The following DPY19L2 variants were observed in gnomAD, a reference collection of about 807,000 sequenced individuals.
DPY19L2 encodes the protein probable C-mannosyltransferase DPY19L2.
A neutral mutation model predicts 97.9 loss-of-function variants in DPY19L2; 34 were observed. The ratio of observed to expected loss-of-function variants is 0.35; its 90% confidence interval spans 0.26 to 0.46. The LOEUF is 0.46. Ranked by LOEUF, DPY19L2 falls within the 20% of genes least tolerant of loss-of-function variation. The pLI is 1.00. For synonymous variants in DPY19L2, 230 were observed against 307.9 expected (o/e 0.75, Z 2.65); for missense variants, 623 against 911.4 (o/e 0.68, Z 4.07).
chr12:63,594,984 C>A (rs1252077934), intron 15 of DPY19L2, among the ~76,000 whole-genome samples: 6 of 152,164 alleles, frequency 3.9e-5, no homozygotes, highest in Non-Finnish European at 7.3e-5. Flanking sequence ...ACATTTTACT[C>A]ATTCCTCCTT....
intron 12 of DPY19L2, among the ~76,000 whole-genome samples, chr12:63,605,466 G>A (rs1362646666): frequency 6.6e-6 from 1 of 152,184 alleles, no homozygotes; most frequent in Non-Finnish European, 1.5e-5. Context: ...TAACTAGTCT[G>A]CCTTTCTATA....
chr12:63,583,465 A>T (rs1881284885), intron 17 of DPY19L2, among the ~76,000 whole-genome samples: 1 of 152,150 alleles, frequency 6.6e-6, no homozygotes, highest in Non-Finnish European at 1.5e-5. Context: ...CAGCAAATCT[A>T]CGTGGTGGCA....
intron 6 of DPY19L2, among the ~76,000 whole-genome samples, chr12:63,634,790 G>A (rs1489802874): frequency 5.3e-5 from 8 of 152,118 alleles, no homozygotes; most frequent in South Asian, 4.1e-4. Context: ...CAGGAAGCTC[G>A]AACAGGGTGG....
At chr12:63,648,955 G>T (rs1893807120) in intron 4 of DPY19L2, among the ~76,000 whole-genome samples, 2 of 151,646 alleles carry the variant, frequency 1.3e-5, no homozygotes, top group African/African-American at 4.8e-5. Flanking sequence ...AAAACAAATG[G>T]AAAATTTGAA....
intron 11 of DPY19L2, among the ~76,000 whole-genome samples, chr12:63,612,180 G>C (rs1887118616): frequency 6.6e-6 from 1 of 151,926 alleles, no homozygotes; most frequent in South Asian, 2.1e-4. Flanking sequence ...CTACACCCAG[G>C]AAACATACCT....
At chr12:63,634,020 A>G (rs888326521) in intron 6 of DPY19L2, among the ~76,000 whole-genome samples, 1 of 150,524 alleles carries the variant, frequency 6.6e-6, no homozygotes, top group East Asian at 2.0e-4. Flanking sequence ...CAATGAGAAC[A>G]CATGGACACA....
intron 11 of DPY19L2, among the ~76,000 whole-genome samples, chr12:63,611,667 A>C (rs1026409618): frequency 6.6e-6 from 1 of 152,122 alleles, no homozygotes; most frequent in Non-Finnish European, 1.5e-5. Flanking sequence ...TGTGATTAAC[A>C]ACAGGTTAGA....
intron 6 of DPY19L2, among the ~76,000 whole-genome samples, chr12:63,631,314 C>T (rs1242745347): frequency 6.6e-6 from 1 of 151,948 alleles, no homozygotes; most frequent in Non-Finnish European, 1.5e-5. Flanking sequence ...AACTGATACA[C>T]CGCTAGCAAG....
intron 21 of DPY19L2, among the ~76,000 whole-genome samples, chr12:63,565,450 C>T (rs1877483944): frequency 6.6e-6 from 1 of 152,130 alleles, no homozygotes; most frequent in Non-Finnish European, 1.5e-5. Context: ...CATCACATCG[C>T]CTTTTTGATC....
chr12:63,567,304 C>A (rs1482993069), intron 21 of DPY19L2, among the ~76,000 whole-genome samples: 2 of 151,998 alleles, frequency 1.3e-5, no homozygotes, highest in Admixed American at 1.3e-4. Context: ...CAGGCTTATC[C>A]ATATCTAGGC....
intron 21 of DPY19L2, among the ~76,000 whole-genome samples, chr12:63,563,561 T>A (rs1877058866): frequency 6.6e-6 from 1 of 152,226 alleles, no homozygotes; most frequent in African/African-American, 2.4e-5. Context: ...GTGACTTCAC[T>A]TGATTGGTTT....
chr12:63,627,411 G>A (rs554220428), intron 6 of DPY19L2, among the ~76,000 whole-genome samples: 12 of 152,128 alleles, frequency 7.9e-5, no homozygotes, highest in East Asian at 7.7e-4. Context: ...GTGCAGTGGC[G>A]CGATCTCGGC....
At chr12:63,648,625 A>C (rs1055871868) in intron 4 of DPY19L2, among the ~76,000 whole-genome samples, 4 of 151,934 alleles carry the variant, frequency 2.6e-5, no homozygotes, top group Admixed American at 2.6e-4. Context: ...ACAGCGTTTC[A>C]CCATGTTGGC....
intron 14 of DPY19L2, among the ~76,000 whole-genome samples, chr12:63,596,638 T>A (rs1486481491): frequency 6.6e-6 from 1 of 152,200 alleles, no homozygotes; most frequent in Non-Finnish European, 1.5e-5. Context: ...AATAATAGTT[T>A]TTGAATGAAT....
At chr12:63,593,856 A>G (rs891487343) in intron 16 of DPY19L2, among the ~76,000 whole-genome samples, 8 of 152,184 alleles carry the variant, frequency 5.3e-5, no homozygotes, top group African/African-American at 1.2e-4. Context: ...TAATTTATCA[A>G]TTTAAACTTT....
intron 16 of DPY19L2, among the ~76,000 whole-genome samples, chr12:63,591,997 AGGG>A (rs1883072296): frequency 5.7e-5 from 1 of 17,422 alleles, no homozygotes; most frequent in African/African-American, 3.9e-4. Context: ...AAGGGAAGGG[AGGG>A]GAAGGGAGGG....
At chr12:63,611,063 A>G (rs998133929) in intron 11 of DPY19L2, among the ~76,000 whole-genome samples, 6 of 151,956 alleles carry the variant, frequency 3.9e-5, no homozygotes, top group African/African-American at 1.4e-4. Flanking sequence ...ATTATAAAAC[A>G]AAACAAACCA....
chr12:63,600,044 A>C (rs772663751), intron 13 of DPY19L2, among the ~76,000 whole-genome samples: 4 of 152,174 alleles, frequency 2.6e-5, no homozygotes, highest in Non-Finnish European at 5.9e-5. Flanking sequence ...CTGAAATATA[A>C]ACAAATAACT....
At chr12:63,643,237 C>G (rs565943828) in intron 6 of DPY19L2, among the ~76,000 whole-genome samples, 1 of 151,754 alleles carries the variant, frequency 6.6e-6, no homozygotes, top group East Asian at 1.9e-4. Context: ...TTTTCCAATC[C>G]TTATACTTAT....
Sources: allele counts gnomAD v4.1 joint callset (sites outside exome capture counted in the v4.1 genomes callset), GRCh38; gene constraint gnomAD v4.1.1; transcripts MANE v1.5; gene names NCBI Gene and HGNC (gene_info 2026-07-23, HGNC 2026-07-21).